PDPN: variants seen among roughly 807,000 people sequenced by gnomAD.
The protein encoded by PDPN is podoplanin.
Under a neutral mutation model 23.2 loss-of-function variants are expected in PDPN, and 12 were observed. That is an observed-to-expected ratio of 0.52 (90% CI 0.33 to 0.84). The LOEUF is 0.84. Among genes scored for constraint, PDPN ranks in the 40% least tolerant of loss-of-function variants. The pLI is 0.02. For missense variants in PDPN, 199 were observed against 212.2 expected, an observed-to-expected ratio of 0.94 and a Z score of 0.39; for synonymous variants, 77 against 76.7, an observed-to-expected ratio of 1.00 and a Z score of -0.02.
At position 13,602,631 on chromosome 1, in the gene PDPN, C is replaced by CGG. The variant is rs534276191; in HGVS notation, c.68-4541_68-4540dup. Among the ~76,000 whole-genome samples, 26 of 152,234 alleles carry CGG rather than the reference C, an allele frequency of 1.7e-4. No individual in the cohort carries two copies. In the South Asian group the frequency reaches 5.4e-3, roughly 32 times the overall value. ...AGGCTGGAGTGCAATGGTTCAGTCT[C>CGG]GGCTCACTGCAATCTCTGCCTCCTG... On this transcript the variant is annotated intron_variant, in intron 1 of 5. Transcript: ENST00000621990.
chr1:13,595,013 G>A lies in PDPN; in HGVS notation c.67+10913G>A, dbSNP rs199760007. On this transcript the variant is annotated intron_variant, in intron 1 of 5. Transcript: ENST00000621990. ...CCTTCTCAAAAAAAAAAAAAAGAAA[G>A]AAAGAAAAAAAAAACGAGAGCATGC... Among the ~76,000 whole-genome samples the A allele has an allele frequency of 5.8e-3, 847 of 145,876 alleles. 6 individuals are homozygous for A. Among genetic ancestry groups the A allele is most frequent in the Non-Finnish European group, 0.01 (692 of 66,158 alleles).
intron 1 of PDPN, 186 bp downstream of exon 1, chr1:13,584,286 A>G: frequency 1.3e-6 from 2 of 1,526,038 alleles, no homozygotes; most frequent in Non-Finnish European, 1.8e-6. Flanking sequence ...GCCAGGTCCC[A>G]AAGACGCAGC....
At chr1:13,597,258 A>G (rs1190010861) in intron 1 of PDPN, among the ~76,000 whole-genome samples, 2 of 152,196 alleles carry the variant, frequency 1.3e-5, no homozygotes, top group Non-Finnish European at 2.9e-5. Flanking sequence ...AAGTCATTCC[A>G]ACACCATTTC....
chr1:13,608,493 C>T (rs1003307355), intron 2 of PDPN, among the ~76,000 whole-genome samples: 1 of 152,214 alleles, frequency 6.6e-6, no homozygotes, highest in African/African-American at 2.4e-5. Flanking sequence ...CTTGTTCCAA[C>T]TTAGGCTTTG....
intron 1 of PDPN, among the ~76,000 whole-genome samples, chr1:13,584,893 C>T (rs1194786187): frequency 6.6e-6 from 1 of 152,200 alleles, no homozygotes; most frequent in Admixed American, 6.5e-5. Context: ...ACCCTTTGTC[C>T]TCTCCTGGAG....
At chr1:13,610,295 TA>T (rs1309723164) in intron 2 of PDPN, 91 bp from the exon 3 acceptor site, 1 of 1,059,096 alleles carries the variant, frequency 9.4e-7, no homozygotes, top group Non-Finnish European at 1.4e-6. Flanking sequence ...TCCATATTTT[TA>T]TGCCACCTTA....
At chr1:13,593,582 A>G (rs1475835037) in intron 1 of PDPN, among the ~76,000 whole-genome samples, 1 of 152,220 alleles carries the variant, frequency 6.6e-6, no homozygotes, top group Non-Finnish European at 1.5e-5. Context: ...CACATTCTGC[A>G]CATTCCTGCA....
Position 13,616,161 on chromosome 1 carries a change from A to G in PDPN, c.*250A>G, listed in dbSNP as rs1175460497. On this transcript the variant is annotated 3_prime_UTR_variant, in exon 6 of 6. Coordinates refer to ENST00000621990, the MANE Select transcript of PDPN (RefSeq NM_006474.5). ...CATTCTATAAAAGATTATTTGAAAG[A>G]CAAAATTCATAGAAAATGGAGCAAA... 7.2e-6 allele frequency: 4 copies of G among 553,684 alleles called. No homozygotes were observed. The East Asian group carries it at 1.2e-4, about 17-fold the overall frequency. The allele number at this position is 553,684 out of a possible 1,614,324, so 34.3% of individuals were successfully genotyped here. A position where few individuals can be genotyped will look rare whatever the true frequency, so the allele number is the denominator to read the frequency against.
intron 1 of PDPN, among the ~76,000 whole-genome samples, chr1:13,586,858 C>T (rs1219945553): frequency 6.6e-6 from 1 of 151,090 alleles, no homozygotes; most frequent in African/African-American, 2.4e-5. Context: ...TCGAGACCAG[C>T]CTGGCCAATA....
At chr1:13,598,181 A>G (rs1241460189) in intron 1 of PDPN, among the ~76,000 whole-genome samples, 3 of 151,798 alleles carry the variant, frequency 2.0e-5, no homozygotes, top group African/African-American at 4.8e-5. Context: ...ACGCCTGGCT[A>G]ATTTTTTGTG....
intron 1 of PDPN, chr1:13,585,768 G>A (rs1640160806): frequency 9.9e-6 from 6 of 606,720 alleles, no homozygotes; most frequent in Non-Finnish European, 8.5e-6. Flanking sequence ...GCTGCCAGAG[G>A]AGCAGAGGCC....
At chr1:13,614,781 T>A (rs1033739846) in intron 5 of PDPN, 19 of 503,364 alleles carry the variant, frequency 3.8e-5, no homozygotes, top group Admixed American at 8.2e-5. Context: ...AGCAAGACTG[T>A]GTCTCTTAAA....
chr1:13,594,994 CAAA>C lies in PDPN; in HGVS notation c.67+10906_67+10908del, dbSNP rs1382399608. On this transcript the variant is annotated intron_variant, in intron 1 of 5. Transcript: ENST00000621990. ...TGGGCGACAGAGCGAGACTCCTTCT[CAAA>C]AAAAAAAAAAAGAAAGAAAGAAAAA... is the stretch of plus-strand genomic sequence containing the variant. Among the ~76,000 whole-genome samples the C allele has an allele frequency of 1.1e-4, 9 of 80,170 alleles. 2 individuals are homozygous for C. The highest frequency in any genetic ancestry group is 3.8e-4 in the African/African-American group (8 of 20,820). 52.6% of individuals were successfully genotyped at this position (80,170 alleles called of 152,430 possible). A position where few individuals can be genotyped will look rare whatever the true frequency, so the allele number is the denominator to read the frequency against.
rs5772544 is a variant in PDPN, at chr1:13,617,158, AT to A, written c.*1262del. On this transcript the variant is annotated 3_prime_UTR_variant, in exon 6 of 6. Transcript: ENST00000621990. The stretch of plus-strand genomic sequence containing the variant: ...ACTTCTCTTCCCATATATCCATTGG[AT>A]TTTTTTTTTTTTTTCCTAAACAAAG... The A allele has an allele frequency of 0.74, 108,831 of 146,690 alleles. 40,410 individuals are homozygous for A. Among genetic ancestry groups the A allele is most frequent in the Admixed American group, 0.82 (12,189 of 14,778 alleles). The allele number at this position is 146,690 out of a possible 1,614,324, so 9.1% of individuals were successfully genotyped here.
chr1:13,584,316 G>A, intron 1 of PDPN: 1 of 1,501,622 alleles, frequency 6.7e-7, no homozygotes, highest in Admixed American at 2.1e-5. Context: ...GTGCCGGGAG[G>A]AGCCCCGGAA....
intron 1 of PDPN, among the ~76,000 whole-genome samples, chr1:13,589,544 T>C (rs1640279272): frequency 6.6e-6 from 1 of 152,170 alleles, no homozygotes; most frequent in South Asian, 2.1e-4. Context: ...CTTTCAGTCC[T>C]CACAACAGAC....
intron 1 of PDPN, among the ~76,000 whole-genome samples, chr1:13,601,945 A>G (rs146802190): frequency 1.0e-3 from 152 of 152,156 alleles, no homozygotes; most frequent in African/African-American, 3.4e-3. Flanking sequence ...TCATTTGCAA[A>G]AGAAAGATGT....
intron 1 of PDPN, among the ~76,000 whole-genome samples, chr1:13,584,736 C>T (rs908737593): frequency 6.6e-6 from 1 of 152,182 alleles, no homozygotes; most frequent in Admixed American, 6.5e-5. Context: ...AGGATTGTTA[C>T]GCGTTACGAA....
rs1402265879 is a variant in PDPN at position 13,604,163 on chromosome 1, C to T, written c.68-3010C>T. Among the ~76,000 whole-genome samples the T allele has an allele frequency of 5.3e-5, 8 of 152,120 alleles. No individual in the cohort carries two copies. The East Asian group carries it at 7.7e-4, about 15-fold the overall frequency. On this transcript the variant is annotated intron_variant, in intron 1 of 5. Coordinates refer to ENST00000621990, the MANE Select transcript of PDPN (RefSeq NM_006474.5). Reference sequence around the variant, plus strand: ...GCATCCCTGTATGTGTGTGTGTATGCGTGTGTGCGTGCATATGTATGCCTG... The same window carrying T: ...GCATCCCTGTATGTGTGTGTGTATGTGTGTGTGCGTGCATATGTATGCCTG...
Sources: allele counts gnomAD v4.1 joint callset (sites outside exome capture counted in the v4.1 genomes callset), GRCh38; gene constraint gnomAD v4.1.1; transcripts MANE v1.5; gene names NCBI Gene and HGNC (gene_info 2026-07-23, HGNC 2026-07-21).